The following PTPDC1 variants were observed in gnomAD, a reference collection of about 807,000 sequenced individuals.
The protein encoded by PTPDC1 is protein tyrosine phosphatase domain containing 1.
Under a neutral mutation model 75.3 loss-of-function variants are expected in PTPDC1, and 53 were observed. The observed-to-expected ratio is 0.70, with a 90% CI of 0.56 to 0.88. The LOEUF is 0.88. PTPDC1 is among the 40% of genes least tolerant of loss of function. The pLI, the probability that PTPDC1 is intolerant of heterozygous loss-of-function variation, is 0.00. For synonymous variants in PTPDC1, 349 were observed against 366.2 expected (o/e 0.95, Z 0.54); for missense variants, 925 against 998.6 (o/e 0.93, Z 0.99).
Position 94,098,659 on chromosome 9 carries a change from C to G in PTPDC1, c.2013+80C>G, listed in dbSNP as rs1564035858. 2.5e-6 allele frequency: 3 copies of G among 1,193,474 alleles called. No homozygotes were observed. In the Admixed American group the frequency reaches 5.6e-5, roughly 22 times the overall value. The allele number at this position is 1,193,474 out of a possible 1,614,324, so 73.9% of individuals were successfully genotyped here. ...CAAAAGTGTGATACATTTTCCCAAA[C>G]TTATTTATTATAGAAATGTGAAGAT... On this transcript the variant is annotated intron_variant, in intron 6 of 8. Coordinates refer to ENST00000620992, the MANE Select transcript of PTPDC1 (RefSeq NM_001253829.2).
At chr9:94,083,595 G>A (rs1188437040), upstream of PTPDC1, among the ~76,000 whole-genome samples, 6 of 152,176 alleles carry the variant, frequency 3.9e-5, no homozygotes, top group African/African-American at 1.2e-4. Flanking sequence ...GGGAGGAGGC[G>A]GACAATGAGT....
intron 2 of PTPDC1, among the ~76,000 whole-genome samples, chr9:94,070,172 A>G (rs1313196612): frequency 1.3e-5 from 2 of 152,096 alleles, no homozygotes; most frequent in African/African-American, 4.8e-5. Context: ...AGCTGTTCCC[A>G]TTTATAATTA....
intron 7 of PTPDC1, 39 bp downstream of exon 7, chr9:94,101,790 G>C: frequency 3.2e-6 from 4 of 1,232,742 alleles, no homozygotes; most frequent in Non-Finnish European, 4.4e-6. Flanking sequence ...CTGTAACTGA[G>C]GCCCTTAGTT....
At chr9:94,034,697 T>G (rs1825207388) in intron 1 of PTPDC1, among the ~76,000 whole-genome samples, 1 of 152,244 alleles carries the variant, frequency 6.6e-6, no homozygotes, top group Non-Finnish European at 1.5e-5. Context: ...CTGCTTAACT[T>G]CTAAGAAATT....
chr9:94,031,845 G>A (rs1829734049), intron 1 of PTPDC1, among the ~76,000 whole-genome samples: 1 of 152,186 alleles, frequency 6.6e-6, no homozygotes, highest in African/African-American at 2.4e-5. Context: ...ATAAGCAGAT[G>A]ATCCTGCGAT....
intron 4 of PTPDC1, among the ~76,000 whole-genome samples, chr9:94,091,826 A>T (rs139059656): frequency 1.3e-5 from 2 of 151,832 alleles, no homozygotes; most frequent in African/African-American, 2.4e-5. Context: ...GTTTATGTGC[A>T]GAGGAATTTA....
At position 94,097,303 on chromosome 9, in the gene PTPDC1, CTCT is replaced by C. The variant is rs1827615598; in HGVS notation, c.755-12_755-10del. On this transcript the variant is annotated splice_polypyrimidine_tract_variant and intron_variant, in intron 5 of 8. Coordinates refer to ENST00000620992, the MANE Select transcript of PTPDC1 (RefSeq NM_001253829.2). ...TGTAAGCTTTTCTCATACCAGTCTTCTCTTCTTCACTGTTTAGGTGTTTTAATA... is the reference window on the plus strand; with the variant it reads ...TGTAAGCTTTTCTCATACCAGTCTTCTCTTCACTGTTTAGGTGTTTTAATA... 1.3e-6 allele frequency: 2 copies of C among 1,505,392 alleles called. No individual in the cohort carries two copies. The highest frequency in any genetic ancestry group is 1.8e-6 in the Non-Finnish European group (2 of 1,109,386). The allele number at this position is 1,505,392 out of a possible 1,614,324, so 93.3% of individuals were successfully genotyped here.
Position 94,098,470 on chromosome 9 carries a change from A to T in PTPDC1, c.1904A>T (p.Gln635Leu). The T allele has an allele frequency of 6.2e-7, 1 of 1,614,194 alleles. No homozygotes were observed. The highest frequency in any genetic ancestry group is 8.5e-7 in the Non-Finnish European group (1 of 1,180,022). ...LSEAASHSAL[Q>L]SELSAEARRI... ...GAAGCAGCTTCACACTCTGCATTAC[A>T]GTCTGAATTGAGTGCTGAGGCAAGA... The change falls in exon 6 of 9, where the codon CAG (glutamine) becomes CTG (leucine). Residue 635 changes from glutamine (Q) to leucine (L), a missense_variant. By Grantham distance (113) the Gln-to-Leu change is moderately radical (BLOSUM62 -2). Coordinates refer to ENST00000620992, the MANE Select transcript of PTPDC1 (RefSeq NM_001253829.2).
intron 1 of PTPDC1, among the ~76,000 whole-genome samples, chr9:94,043,467 A>G (rs1825493253): frequency 6.6e-6 from 1 of 152,214 alleles, no homozygotes; most frequent in Admixed American, 6.5e-5. Context: ...AAGTTCAAAC[A>G]ATACAGAAAT....
intron 2 of PTPDC1, among the ~76,000 whole-genome samples, chr9:94,069,986 G>A (rs374650306): frequency 6.6e-6 from 1 of 151,678 alleles, no homozygotes; most frequent in Non-Finnish European, 1.5e-5. Flanking sequence ...CACCACGCCC[G>A]GCTAATTTTT....
upstream of PTPDC1, among the ~76,000 whole-genome samples, chr9:94,080,433 T>G (rs1298681723): frequency 6.6e-6 from 1 of 152,142 alleles, no homozygotes; most frequent in African/African-American, 2.4e-5. Context: ...GGAATAAATA[T>G]AGATGTAAAG....
upstream of PTPDC1, among the ~76,000 whole-genome samples, chr9:94,080,988 C>CTTTTTTTTTTTTTTTT (rs1254750314): frequency 7.1e-5 from 9 of 127,554 alleles, no homozygotes; most frequent in Non-Finnish European, 9.5e-5. Flanking sequence ...TTTTCTTTTT[C>CTTTTTTTTTTTTTTTT]TTTTTCTTTT....
chr9:94,038,346 T>G, intron 1 of PTPDC1: 1 of 577,442 alleles, frequency 1.7e-6, no homozygotes, highest in Non-Finnish European at 3.2e-6. Flanking sequence ...TAGTGAGTAA[T>G]TATTGACCAC....
chr9:94,079,169 C>CT (rs1364799996), intron 2 of PTPDC1, among the ~76,000 whole-genome samples: 1 of 152,154 alleles, frequency 6.6e-6, no homozygotes, highest in African/African-American at 2.4e-5. Context: ...TGATCAGAGA[C>CT]TTGACTAGAT....
chr9:94,048,687 T>A lies in PTPDC1; in HGVS notation c.-6-16047T>A, dbSNP rs549465685. The stretch of plus-strand genomic sequence containing the variant: ...TGGAAATAATGTATATTCTGTTGCC[T>A]TGGGGTGGAGAGTTCTGTAGATGTC... On this transcript the variant is annotated intron_variant, in intron 1 of 9. Coordinates refer to the PTPDC1 transcript ENST00000375360. Among the ~76,000 whole-genome samples the A allele has an allele frequency of 8.2e-4, 125 of 152,330 alleles. 1 individual carries two copies. The highest frequency in any genetic ancestry group is 2.9e-3 in the African/African-American group (122 of 41,586).
At chr9:94,042,573 C>G (rs1825456351) in intron 1 of PTPDC1, among the ~76,000 whole-genome samples, 1 of 152,224 alleles carries the variant, frequency 6.6e-6, no homozygotes, top group Non-Finnish European at 1.5e-5. Context: ...TAAGGATCAA[C>G]TGAGCCTCCA....
chr9:94,094,414 TGAG>T (rs1827456902), intron 4 of PTPDC1, among the ~76,000 whole-genome samples: 1 of 152,094 alleles, frequency 6.6e-6, no homozygotes, highest in Admixed American at 6.5e-5. Flanking sequence ...GGGACCCACT[TGAG>T]GAGGCAGTCT....
intron 1 of PTPDC1, among the ~76,000 whole-genome samples, chr9:94,064,207 GA>G (rs1272441793): frequency 6.6e-6 from 1 of 152,048 alleles, no homozygotes; most frequent in Non-Finnish European, 1.5e-5. Context: ...TGTACTAATT[GA>G]AAAAACTGAA....
chr9:94,039,948 A>G (rs1223456408), intron 1 of PTPDC1, among the ~76,000 whole-genome samples: 3 of 152,146 alleles, frequency 2.0e-5, no homozygotes, highest in East Asian at 1.9e-4. Flanking sequence ...TTACTTAAAG[A>G]TCTTTTATTA....
Sources: gnomAD v4.1 joint callset for allele counts (sites outside exome capture counted in the v4.1 genomes callset) on GRCh38, gnomAD v4.1.1 for gene constraint, MANE v1.5 for transcripts, NCBI Gene and HGNC (gene_info 2026-07-23, HGNC 2026-07-21) for gene names.